PEMT: variants seen among roughly 807,000 people sequenced by gnomAD.
PEMT encodes the protein phosphatidylethanolamine N-methyltransferase.
In PEMT, 23 loss-of-function variants were observed where a neutral mutation model predicts 27.4. That is an observed-to-expected ratio of 0.84 (90% CI 0.60 to 1.19). PEMT has a LOEUF of 1.19. PEMT is among the 50% of genes most tolerant of loss of function. PEMT has a pLI of 0.00. For missense variants in PEMT, 307 were observed against 310.1 expected, an observed-to-expected ratio of 0.99 and a Z score of 0.07; for synonymous variants, 137 against 139.1, an observed-to-expected ratio of 0.98 and a Z score of 0.11.
At chr17:17,510,829 G>A (rs894098685) in intron 4 of PEMT, among the ~76,000 whole-genome samples, 8 of 152,120 alleles carry the variant, frequency 5.3e-5, no homozygotes, top group Non-Finnish European at 8.8e-5. Context: ...CGCTGCCTCT[G>A]CAGCCCTCCC....
chr17:17,550,934 G>A (rs138785560), intron 2 of PEMT, among the ~76,000 whole-genome samples: 3 of 152,318 alleles, frequency 2.0e-5, no homozygotes, highest in South Asian at 2.1e-4. Flanking sequence ...TATCATCAAC[G>A]TTGTAACTAA....
chr17:17,573,787 G>A (rs776920019), intron 2 of PEMT, among the ~76,000 whole-genome samples: 2 of 152,072 alleles, frequency 1.3e-5, no homozygotes, highest in Non-Finnish European at 2.9e-5. Flanking sequence ...GCCTGTCTTT[G>A]TTTTTGTTTT....
intron 2 of PEMT, among the ~76,000 whole-genome samples, chr17:17,544,393 G>C (rs1447002251): frequency 6.6e-6 from 1 of 151,546 alleles, no homozygotes; most frequent in Non-Finnish European, 1.5e-5. Flanking sequence ...CGATTCTCCT[G>C]CCTCAGCCTC....
At chr17:17,576,369 G>A (rs70959690) in intron 2 of PEMT, among the ~76,000 whole-genome samples, 1,666 of 152,292 alleles carry the variant, frequency 0.011, 22 homozygotes, top group Non-Finnish European at 0.016. Flanking sequence ...CTGGTGCCAC[G>A]CTGGTGGCTT....
intron 2 of PEMT, among the ~76,000 whole-genome samples, chr17:17,549,303 C>T (rs1909481446): frequency 1.3e-5 from 2 of 152,204 alleles, no homozygotes; most frequent in Admixed American, 6.5e-5. Context: ...GATTCTTCTG[C>T]CTCAGCCTCC....
At chr17:17,524,738 C>G (rs1388383642) in intron 2 of PEMT, among the ~76,000 whole-genome samples, 1 of 151,874 alleles carries the variant, frequency 6.6e-6, no homozygotes, top group Non-Finnish European at 1.5e-5. Flanking sequence ...GTCTCAAAAA[C>G]AAAGAAAAGA....
At chr17:17,553,328 C>T (rs752886584) in intron 2 of PEMT, among the ~76,000 whole-genome samples, 1 of 152,196 alleles carries the variant, frequency 6.6e-6, no homozygotes, top group Non-Finnish European at 1.5e-5. Flanking sequence ...AACTTGGCTG[C>T]GGGGATGCAG....
rs71926466 is a variant in PEMT at position 17,531,336 on chromosome 17, G to GT, written c.205-8942dup. On this transcript the variant is annotated intron_variant, in intron 2 of 6. Transcript: ENST00000255389. The stretch of plus-strand genomic sequence containing the variant: ...GACACTAACGCATTATTCTGAAATG[G>GT]TTTTTTTTTTCTTTTTTATGAGACA... Among the ~76,000 whole-genome samples the GT allele has an allele frequency of 2.7e-3, 410 of 149,680 alleles. 3 individuals carry two copies. Among genetic ancestry groups the GT allele is most frequent in the Non-Finnish European group, 4.1e-3 (274 of 67,268 alleles).
intron 2 of PEMT, among the ~76,000 whole-genome samples, chr17:17,524,869 G>C (rs1567681503): frequency 6.6e-6 from 1 of 152,188 alleles, no homozygotes; most frequent in Non-Finnish European, 1.5e-5. Flanking sequence ...CAGCACTTTG[G>C]GAGGCCGAGG....
chr17:17,537,049 C>T (rs775578266), intron 2 of PEMT, among the ~76,000 whole-genome samples: 20 of 152,350 alleles, frequency 1.3e-4, no homozygotes, highest in Non-Finnish European at 2.5e-4. Context: ...GTGTCTGCTA[C>T]GTGCTCCACT....
chr17:17,526,325 ATCCTG>A (rs1171575643), intron 2 of PEMT, among the ~76,000 whole-genome samples: 3 of 152,216 alleles, frequency 2.0e-5, no homozygotes, highest in African/African-American at 7.2e-5. Flanking sequence ...CAGGGACACC[ATCCTG>A]GCCTTGACAT....
In PEMT at chr17:17,512,146, G is replaced by C. The variant is rs1169675648; in HGVS notation, c.466+363C>G. ...CCACCTCAGGCTTCTGTGCAACAAG[G>C]CCTGAGAGTCTTCTGCAAGGGGGAG... On this transcript the variant is annotated intron_variant, in intron 4 of 6. Transcript: ENST00000255389. This position sits in a 1 kb window ranked among gnomAD's most constrained non-coding sequence, Gnocchi z 6.3. Among the ~76,000 whole-genome samples, 1 of 152,230 alleles carries C rather than the reference G, an allele frequency of 6.6e-6. No homozygotes were observed. The highest frequency in any genetic ancestry group is 1.9e-4 in the East Asian group (1 of 5,194).
At position 17,512,554 on chromosome 17, in the gene PEMT, C is replaced by A. The variant is rs572671874; in HGVS notation, c.421G>T (p.Val141Leu). 20 of 1,608,482 alleles carry A rather than the reference C, an allele frequency of 1.2e-5. No homozygotes were observed. The highest frequency in any genetic ancestry group is 1.6e-5 in the Non-Finnish European group (19 of 1,177,440). Residue 141 changes from valine (V) to leucine (L), a missense_variant, in exon 4 of 7, where the codon GTG becomes TTG. Val to Leu is a conservative substitution (Grantham distance 32). Coordinates refer to ENST00000255389, the MANE Select transcript of PEMT (RefSeq NM_148172.3). This position sits in a 1 kb window ranked among gnomAD's most constrained non-coding sequence, Gnocchi z 6.3. The part of the protein sequence containing the change: ...LALLGLGVVL[V>L]LSSFFALGFA... Reference sequence around the variant, plus strand: ...CCCAGTGCAAAGAAGCTGGAGAGCACGAGCACGACGCCCAGTCCCAGGAGC... The same window carrying A: ...CCCAGTGCAAAGAAGCTGGAGAGCAAGAGCACGACGCCCAGTCCCAGGAGC...
chr17:17,516,344 T>C (rs1906834499), intron 3 of PEMT, among the ~76,000 whole-genome samples: 1 of 151,338 alleles, frequency 6.6e-6, no homozygotes, highest in African/African-American at 2.4e-5. Flanking sequence ...ATCAAAGGGC[T>C]TGAATTTCGG....
chr17:17,546,879 C>T (rs74370820), intron 2 of PEMT, among the ~76,000 whole-genome samples: 347 of 152,372 alleles, frequency 2.3e-3, no homozygotes, highest in African/African-American at 7.4e-3. Flanking sequence ...TCATTTGCTA[C>T]GTGCTGACCC....
intron 1 of PEMT, among the ~76,000 whole-genome samples, chr17:17,579,026 T>C (rs993235550): frequency 6.6e-5 from 10 of 152,236 alleles, no homozygotes; most frequent in Non-Finnish European, 1.3e-4. Context: ...TTTTGTTCTA[T>C]TGCATTTGGA....
In PEMT at chr17:17,586,242, AAG is replaced by A. The variant is rs751037394; in HGVS notation, c.96+5287_96+5288del. Among the ~76,000 whole-genome samples the A allele has an allele frequency of 1.3e-3, 137 of 104,108 alleles. 5 individuals are homozygous for A. Among genetic ancestry groups the A allele is most frequent in the African/African-American group, 6.3e-3 (133 of 21,270 alleles). 68.3% of individuals were successfully genotyped at this position (104,108 alleles called of 152,430 possible). ...AAAGAAAGAAAGAAAGAAAGAAAGA[AAG>A]AAAGAAAGAAAGAAAGAAAGAAAGA... On this transcript the variant is annotated intron_variant, in intron 1 of 6. Transcript: ENST00000255389.
At chr17:17,543,824 G>A (rs9894588) in intron 2 of PEMT, among the ~76,000 whole-genome samples, 94,536 of 152,100 alleles carry the variant, frequency 0.62, 30,271 homozygotes, top group African/African-American at 0.76. Context: ...CAGCCTCCCA[G>A]AGTGTTGGGA....
At chr17:17,505,903 C>T (rs1434661910) in intron 6 of PEMT, 55 bp from the exon 7 acceptor site, 3 of 1,559,334 alleles carry the variant, frequency 1.9e-6, no homozygotes, top group Non-Finnish European at 2.6e-6. Flanking sequence ...TGACCCACTG[C>T]CCGCACCAGA....
Sources: allele counts gnomAD v4.1 joint callset (sites outside exome capture counted in the v4.1 genomes callset), GRCh38; gene constraint gnomAD v4.1.1; non-coding constraint Gnocchi (gnomAD v3.1); transcripts MANE v1.5; gene names NCBI Gene and HGNC (gene_info 2026-07-23, HGNC 2026-07-21).